Variants in BCHE observed in about 807,000 individuals in gnomAD.
BCHE encodes butyrylcholinesterase, also known as cholinesterase.
Under a neutral mutation model 51.3 loss-of-function variants are expected in BCHE, and 48 were observed. That is an observed-to-expected ratio of 0.94 (90% confidence interval 0.74 to 1.19). BCHE has a LOEUF of 1.19. Ranked by LOEUF, BCHE falls within the 50% of genes most tolerant of loss-of-function variation. The probability of loss-of-function intolerance (pLI) is 0.00; values close to 1 mark genes in which losing one functional copy is unlikely to be tolerated. For synonymous variants in BCHE, 251 were observed against 238.0 expected (o/e 1.05, Z -0.50); for missense variants, 847 against 708.2 (o/e 1.20, Z -2.23).
At chr3:165,787,354 C>T (rs1695701717) in intron 2 of BCHE, among the ~76,000 whole-genome samples, 2 of 151,754 alleles carry the variant, frequency 1.3e-5, no homozygotes, top group African/African-American at 4.8e-5. Flanking sequence ...ATGAGTTAGA[C>T]ACAGATCTAG....
chr3:165,775,174 AT>A (rs1363113047), intron 3 of BCHE, among the ~76,000 whole-genome samples: 12 of 152,110 alleles, frequency 7.9e-5, no homozygotes, highest in African/African-American at 2.9e-4. Context: ...TTAGTGACTA[AT>A]TTTAAGCTAG....
At chr3:165,790,442 T>C (rs1207834546) in intron 2 of BCHE, among the ~76,000 whole-genome samples, 1 of 152,152 alleles carries the variant, frequency 6.6e-6, no homozygotes. Flanking sequence ...CCTCAGCTGG[T>C]TCTAATTTGT....
intron 2 of BCHE, among the ~76,000 whole-genome samples, chr3:165,797,110 T>G (rs1353008026): frequency 6.7e-6 from 1 of 149,920 alleles, no homozygotes; most frequent in Non-Finnish European, 1.5e-5. Context: ...TTCTTTCCCT[T>G]CCTTCCTTCT....
In BCHE at chr3:165,830,465, G is replaced by A; in HGVS notation, c.569C>T (p.Ala190Val). 1.2e-6 allele frequency: 2 copies of A among 1,613,676 alleles called. No individual in the cohort carries two copies. The highest frequency in any genetic ancestry group is 8.5e-7 in the Non-Finnish European group (1 of 1,179,836). The change falls in exon 2 of 4, where the codon GCT (alanine) becomes GTT (valine). Residue 190 changes from alanine to valine, a missense_variant. Coordinates refer to ENST00000264381, the MANE Select transcript of BCHE (RefSeq NM_000055.4). ...ATCAAATAAACCCATGTTCCCTGGA[G>A]CCTCAGGATTTCCTGGCAAAGCTAA... Reference protein sequence around the residue: ...GFLALPGNPEAPGNMGLFDQQ... With the variant: ...GFLALPGNPEVPGNMGLFDQQ...
intron 3 of BCHE, among the ~76,000 whole-genome samples, chr3:165,776,997 C>G (rs2686408): frequency 0.54 from 81,713 of 151,188 alleles, 24,429 homozygotes; most frequent in East Asian, 0.66. Flanking sequence ...AGGACAAGGG[C>G]AAATATATAG....
intron 2 of BCHE, among the ~76,000 whole-genome samples, chr3:165,817,015 C>T (rs999080244): frequency 1.3e-5 from 2 of 151,934 alleles, no homozygotes; most frequent in East Asian, 3.9e-4. Context: ...AAAAACAGGT[C>T]CCTTAAACTT....
At chr3:165,778,945 T>C (rs1712577663) in intron 3 of BCHE, among the ~76,000 whole-genome samples, 1 of 152,142 alleles carries the variant, frequency 6.6e-6, no homozygotes, top group African/African-American at 2.4e-5. Flanking sequence ...TTTTATATTT[T>C]TGTGGGTAAT....
At chr3:165,834,310 C>A (rs1236493518) in intron 1 of BCHE, among the ~76,000 whole-genome samples, 2 of 151,854 alleles carry the variant, frequency 1.3e-5, no homozygotes, top group Non-Finnish European at 2.9e-5. Flanking sequence ...GAATTAAAAT[C>A]TTTAATTTTT....
At chr3:165,815,475 G>A (rs1031988789) in intron 2 of BCHE, among the ~76,000 whole-genome samples, 1 of 152,050 alleles carries the variant, frequency 6.6e-6, no homozygotes, top group Non-Finnish European at 1.5e-5. Context: ...CACCTGTTGA[G>A]GATGATGATA....
At chr3:165,802,428 GA>G (rs1356690328) in intron 2 of BCHE, among the ~76,000 whole-genome samples, 1 of 152,100 alleles carries the variant, frequency 6.6e-6, no homozygotes, top group African/African-American at 2.4e-5. Flanking sequence ...CCAACATAGG[GA>G]GGAGAATAAA....
intron 2 of BCHE, among the ~76,000 whole-genome samples, chr3:165,803,142 T>TA (rs1713732641): frequency 1.3e-5 from 2 of 152,224 alleles, no homozygotes; most frequent in South Asian, 4.1e-4. Context: ...GGGAAGAATC[T>TA]ACATAATAAA....
At chr3:165,826,975 T>A (rs1576669452) in intron 2 of BCHE, among the ~76,000 whole-genome samples, 1 of 152,118 alleles carries the variant, frequency 6.6e-6, no homozygotes, top group Non-Finnish European at 1.5e-5. Context: ...CCAGACATTG[T>A]TAAATGTCAT....
rs759357575 is a variant in BCHE, at chr3:165,830,719, A to G, written c.315T>C (p.His105=). 2 of 1,613,894 alleles carry G rather than the reference A, an allele frequency of 1.2e-6. No individual in the cohort carries two copies. Among genetic ancestry groups the G allele is most frequent in the East Asian group, 2.2e-5 (1 of 44,890 alleles). Reference sequence around the variant, plus strand: ...TGTTTGGGTTCCACATCTCTGATCCATGGAAGCCTGGAAAACTTTGATCTA... The same window carrying G: ...TGTTTGGGTTCCACATCTCTGATCCGTGGAAGCCTGGAAAACTTTGATCTA... ...QNIDQSFPGF[H]GSEMWNPNTD... is the part of the protein sequence containing the mutation. Residue 105 remains histidine, a synonymous_variant, in exon 2 of 4, where the codon CAT becomes CAC. Transcript: ENST00000264381.
chr3:165,833,451 T>C (rs1424609139), intron 1 of BCHE, among the ~76,000 whole-genome samples: 1 of 152,124 alleles, frequency 6.6e-6, no homozygotes, highest in Non-Finnish European at 1.5e-5. Context: ...TCCTGAATAC[T>C]GTAGGCAATT....
chr3:165,823,303 T>A (rs1258023320), intron 2 of BCHE, among the ~76,000 whole-genome samples: 2 of 152,118 alleles, frequency 1.3e-5, no homozygotes, highest in South Asian at 2.1e-4. Flanking sequence ...GAGTTTTATA[T>A]AACTGAATGA....
intron 2 of BCHE, among the ~76,000 whole-genome samples, chr3:165,827,469 A>T (rs566786165): frequency 6.6e-6 from 1 of 151,774 alleles, no homozygotes; most frequent in Admixed American, 6.6e-5. Context: ...TTAAGTATTA[A>T]ATAATCCTAT....
At chr3:165,832,374 C>T (rs1715022036) in intron 1 of BCHE, among the ~76,000 whole-genome samples, 1 of 151,178 alleles carries the variant, frequency 6.6e-6, no homozygotes, top group Non-Finnish European at 1.5e-5. Flanking sequence ...CTCACTGCAA[C>T]CTCTGCCTCC....
chr3:165,826,196 T>A (rs1423057674), intron 2 of BCHE, among the ~76,000 whole-genome samples: 1 of 152,154 alleles, frequency 6.6e-6, no homozygotes, highest in Non-Finnish European at 1.5e-5. Context: ...GACAAAAGTC[T>A]TCCAGAAAAA....
At chr3:165,815,618 T>C (rs1358379328) in intron 2 of BCHE, among the ~76,000 whole-genome samples, 1 of 152,136 alleles carries the variant, frequency 6.6e-6, no homozygotes, top group Non-Finnish European at 1.5e-5. Context: ...GATTTAAAAT[T>C]ATGACTCCAA....
Sources: gnomAD v4.1 joint callset for allele counts (sites outside exome capture counted in the v4.1 genomes callset) on GRCh38, gnomAD v4.1.1 for gene constraint, MANE v1.5 for transcripts, NCBI Gene and HGNC (gene_info 2026-07-23, HGNC 2026-07-21) for gene names.